Variants in PPP1R1C observed in about 807,000 individuals in gnomAD.
PPP1R1C encodes the protein protein phosphatase 1 regulatory subunit 1C.
A neutral mutation model predicts 17.4 loss-of-function variants in PPP1R1C; 15 were observed. That is an observed-to-expected ratio of 0.86 (90% CI 0.58 to 1.33). The LOEUF is 1.33. Among genes scored for constraint, PPP1R1C ranks in the 40% most tolerant of loss-of-function variants. The pLI, the probability that PPP1R1C is intolerant of heterozygous loss-of-function variation, is 0.00. For synonymous variants in PPP1R1C, 35 were observed against 43.1 expected, an observed-to-expected ratio of 0.81 and a Z score of 0.73; for missense variants, 143 against 130.0, an observed-to-expected ratio of 1.10 and a Z score of -0.48.
chr2:182,121,301 G>T (rs1465611860), downstream of PPP1R1C, among the ~76,000 whole-genome samples: 1 of 151,994 alleles, frequency 6.6e-6, no homozygotes, highest in African/African-American at 2.4e-5. Context: ...TTGTTGTGAG[G>T]CTTAAATGAG....
chr2:181,971,677 A>G (rs1269667588), intron 1 of PPP1R1C, among the ~76,000 whole-genome samples: 1 of 152,136 alleles, frequency 6.6e-6, no homozygotes, highest in Non-Finnish European at 1.5e-5. Context: ...ATTGCCTTTC[A>G]GGTTTATTTA....
intron 2 of PPP1R1C, among the ~76,000 whole-genome samples, chr2:182,044,047 G>A (rs1687268963): frequency 6.6e-6 from 1 of 152,058 alleles, no homozygotes; most frequent in South Asian, 2.1e-4. Flanking sequence ...CACCTATGTC[G>A]AGTCATTGTG....
chr2:182,123,648 C>A (rs772826899), intron 5 of PPP1R1C, among the ~76,000 whole-genome samples: 1 of 152,182 alleles, frequency 6.6e-6, no homozygotes, highest in Non-Finnish European at 1.5e-5. Context: ...GCATAAATGT[C>A]TTCTTTTGAA....
At chr2:182,020,554 GC>G (rs1355650250) in intron 2 of PPP1R1C, among the ~76,000 whole-genome samples, 4 of 152,122 alleles carry the variant, frequency 2.6e-5, no homozygotes, top group Non-Finnish European at 5.9e-5. Context: ...TTCCCTGACA[GC>G]CTCAGAAGAA....
chr2:182,107,048 G>T (rs989694537), intron 4 of PPP1R1C, among the ~76,000 whole-genome samples: 1 of 152,158 alleles, frequency 6.6e-6, no homozygotes, highest in Non-Finnish European at 1.5e-5. Context: ...TTCAAATAAA[G>T]TCACATTTAC....
At chr2:182,069,132 C>A (rs1156367932) in intron 4 of PPP1R1C, among the ~76,000 whole-genome samples, 2 of 152,126 alleles carry the variant, frequency 1.3e-5, no homozygotes, top group Admixed American at 1.3e-4. Context: ...ATCACATTTT[C>A]CTTTCTAAAT....
At chr2:182,120,501 T>C (rs1255232614), downstream of PPP1R1C, among the ~76,000 whole-genome samples, 1 of 152,208 alleles carries the variant, frequency 6.6e-6, no homozygotes, top group South Asian at 2.1e-4. Flanking sequence ...TGACTTTTTC[T>C]TTGTTAAGCC....
chr2:181,986,186 G>C lies in PPP1R1C; in HGVS notation c.76G>C (p.Glu26Gln). ...FQSQIAPEAA[E>Q]QIRKRRPTPA... ...GAGTCAGATTGCACCTGAAGCAGCA[G>C]AGCAGGTATGTGAAATTGCATGGAG... Residue 26 changes from glutamate (E) to glutamine (Q), a missense_variant, in exon 1 of 5, where the codon GAG (glutamate) becomes CAG (glutamine). Physicochemically the swap from Glu to Gln is conservative, Grantham distance 29. Transcript: ENST00000682840. The C allele has an allele frequency of 6.2e-7, 1 of 1,612,062 alleles. No individual in the cohort carries two copies.
intron 4 of PPP1R1C, among the ~76,000 whole-genome samples, chr2:182,105,144 T>C (rs565457193): frequency 1.3e-5 from 2 of 152,164 alleles, no homozygotes; most frequent in Non-Finnish European, 2.9e-5. Flanking sequence ...TCAAATATAT[T>C]AGTAGATTTG....
chr2:182,095,135 A>C (rs1574447955), intron 4 of PPP1R1C, among the ~76,000 whole-genome samples: 1 of 151,374 alleles, frequency 6.6e-6, no homozygotes, highest in Non-Finnish European at 1.5e-5. Context: ...CTAAAAATAC[A>C]AAAAAAAGAA....
intron 4 of PPP1R1C, among the ~76,000 whole-genome samples, chr2:182,108,887 G>C (rs1689334611): frequency 1.3e-5 from 2 of 152,154 alleles, no homozygotes; most frequent in Admixed American, 1.3e-4. Flanking sequence ...TAAATACAAA[G>C]CAGTGATTTC....
intron 2 of PPP1R1C, among the ~76,000 whole-genome samples, chr2:181,990,245 TCTC>T (rs1334996090): frequency 6.6e-6 from 1 of 151,856 alleles, no homozygotes; most frequent in African/African-American, 2.4e-5. Flanking sequence ...TTCACGCCAT[TCTC>T]CTGCCTCAGC....
At chr2:182,028,677 G>C (rs1686705579) in intron 2 of PPP1R1C, among the ~76,000 whole-genome samples, 1 of 150,656 alleles carries the variant, frequency 6.6e-6, no homozygotes, top group Non-Finnish European at 1.5e-5. Flanking sequence ...GCTGAAAAAA[G>C]TGTATATTTT....
intron 1 of PPP1R1C, among the ~76,000 whole-genome samples, chr2:181,969,239 A>G (rs1452684801): frequency 6.6e-6 from 1 of 152,078 alleles, no homozygotes; most frequent in Non-Finnish European, 1.5e-5. Context: ...ATGTCTTTTA[A>G]TTTTGTACTG....
intron 4 of PPP1R1C, among the ~76,000 whole-genome samples, chr2:182,105,242 T>C (rs547790312): frequency 7.7e-4 from 117 of 152,248 alleles, no homozygotes; most frequent in Non-Finnish European, 1.6e-3. Flanking sequence ...ATGTTGAAGA[T>C]TTGAGGAGTG....
At chr2:182,129,547 A>G (rs1302543017) in exon 6 of PPP1R1C, 1 of 152,068 alleles carries the variant, frequency 6.6e-6, no homozygotes, top group Non-Finnish European at 1.5e-5. Context: ...CCATCCTGCT[A>G]GTAAAGATTT....
intron 2 of PPP1R1C, among the ~76,000 whole-genome samples, chr2:182,042,996 C>G (rs1253397466): frequency 7.9e-5 from 12 of 152,172 alleles, no homozygotes; most frequent in Non-Finnish European, 1.6e-4. Context: ...TAAAAACTTT[C>G]TCCTTAACCT....
chr2:182,001,195 TAGA>T (rs1269331912), intron 2 of PPP1R1C, among the ~76,000 whole-genome samples: 1 of 152,152 alleles, frequency 6.6e-6, no homozygotes, highest in African/African-American at 2.4e-5. Flanking sequence ...ATTTTAGTAG[TAGA>T]AGACTTGAGC....
Position 181,994,522 on chromosome 2 carries a change from C to A in PPP1R1C, c.142+6623C>A, listed in dbSNP as rs1685561029. Among the ~76,000 whole-genome samples, 11 of 152,268 alleles carry A rather than the reference C, an allele frequency of 7.2e-5. No homozygotes were observed. In the South Asian group the frequency reaches 2.3e-3, roughly 32 times the overall value. On this transcript the variant is annotated intron_variant, in intron 2 of 4. Transcript: ENST00000682840. The stretch of plus-strand genomic sequence containing the variant: ...CTCATTTGCATAAATCAGTCTCTGT[C>A]TTTTTCACGAATTTCTCTTATTTAA...
Sources: gnomAD v4.1 joint callset for allele counts (sites outside exome capture counted in the v4.1 genomes callset) on GRCh38, gnomAD v4.1.1 for gene constraint, MANE v1.5 for transcripts, NCBI Gene and HGNC (gene_info 2026-07-23, HGNC 2026-07-21) for gene names.